Variants in ETS2 observed in about 807,000 individuals in gnomAD.
ETS2 encodes protein C-ets-2.
Under a neutral mutation model 54.9 loss-of-function variants are expected in ETS2, and 19 were observed. The ratio of observed to expected loss-of-function variants is 0.35; its 90% CI spans 0.24 to 0.51. The LOEUF (loss-of-function observed/expected upper bound fraction) is 0.51, where lower values mean the gene tolerates loss of function less well. ETS2 is among the 20% of genes least tolerant of loss of function. The pLI is 0.97. For synonymous variants in ETS2, 219 were observed against 229.3 expected, an observed-to-expected ratio of 0.95 and a Z score of 0.41; for missense variants, 417 against 593.0, an observed-to-expected ratio of 0.70 and a Z score of 3.08.
In ETS2 at chr21:38,814,821, T is replaced by A. The variant is rs903169133; in HGVS notation, c.345T>A (p.Leu115=). The A allele has an allele frequency of 1.2e-6, 2 of 1,614,068 alleles. No homozygotes were observed. The change falls in exon 5 of 10, where the codon CTT becomes CTA. Residue 115 remains leucine (L), a synonymous_variant. Transcript: ENST00000360938. This position sits in a 1 kb window ranked among gnomAD's most constrained non-coding sequence, Gnocchi z 4.2. ...LWSEQQVCQW[L]LWATNEFSLV... is the part of the protein sequence containing the mutation. ...GTGAGCAACAGGTATGCCAGTGGCT[T>A]CTCTGGGCCACCAATGAGTTCAGTC...
chr21:38,815,101 A>G, intron 5 of ETS2, 120 bp downstream of exon 5: 2 of 921,532 alleles, frequency 2.2e-6, no homozygotes, highest in East Asian at 2.5e-5. Flanking sequence ...GACATAGAGT[A>G]CCTTGCCTCA....
rs2060959554 is a variant in ETS2, at chr21:38,821,871, T to C, written c.1194+167T>C. On this transcript the variant is annotated intron_variant, in intron 9 of 9. Coordinates refer to ENST00000360938, the MANE Select transcript of ETS2 (RefSeq NM_005239.6). This position sits in a 1 kb window ranked among gnomAD's most constrained non-coding sequence, Gnocchi z 4.2. ...GAAAATGGAAGTGGAGTCATTGCTTTGTTGATAAACGTGTACAGTGTTTTC... is the reference window on the plus strand; with the variant it reads ...GAAAATGGAAGTGGAGTCATTGCTTCGTTGATAAACGTGTACAGTGTTTTC... Among the ~76,000 whole-genome samples the C allele has an allele frequency of 6.6e-6, 1 of 152,252 alleles. No individual in the cohort carries two copies. Among genetic ancestry groups the C allele is most frequent in the African/African-American group, 2.4e-5 (1 of 41,460 alleles).
Position 38,814,402 on chromosome 21 carries a change from GC to G in ETS2, c.304+11del. 1 of 1,613,868 alleles carries G rather than the reference GC, an allele frequency of 6.2e-7. No individual in the cohort carries two copies. Among genetic ancestry groups the G allele is most frequent in the Admixed American group, 1.7e-5 (1 of 59,974 alleles). On this transcript the variant is annotated intron_variant, in intron 4 of 9. Transcript: ENST00000360938. This position sits in a 1 kb window ranked among gnomAD's most constrained non-coding sequence, Gnocchi z 4.2. ...CTGGGCATTCCAAAGAGTAAGTACT[GC>G]TTTCCTGAGCCTGCACTGGGTGAGA...
intron 2 of ETS2, among the ~76,000 whole-genome samples, chr21:38,812,378 A>C (rs528032951): frequency 2.5e-4 from 38 of 152,316 alleles, no homozygotes; most frequent in Non-Finnish European, 3.4e-4. Flanking sequence ...TCTCGACACC[A>C]TTGTAAGATT....
rs538754111 is a variant in ETS2 at position 38,822,712 on chromosome 21, G to A, written c.1233G>A (p.Lys411=). 8 of 1,614,128 alleles carry A rather than the reference G, an allele frequency of 5.0e-6. No individual in the cohort carries two copies. The highest frequency in any genetic ancestry group is 1.7e-4 in the Middle Eastern group (1 of 6,060). Residue 411 remains lysine, a synonymous_variant, in exon 10 of 10, where the codon AAG becomes AAA. Transcript: ENST00000360938. The part of the protein sequence containing the change: ...RRWGKRKNKP[K]MNYEKLSRGL... ...GGGGAAAGAGGAAAAATAAGCCCAA[G>A]ATGAACTACGAGAAGCTGAGCCGGG...
In ETS2 at chr21:38,821,554, G is replaced by A. The variant is rs779506442; in HGVS notation, c.1076-32G>A. On this transcript the variant is annotated intron_variant, in intron 8 of 9. Coordinates refer to ENST00000360938, the MANE Select transcript of ETS2 (RefSeq NM_005239.6). This position sits in a 1 kb window ranked among gnomAD's most constrained non-coding sequence, Gnocchi z 4.2. The stretch of plus-strand genomic sequence containing the variant: ...TTGCTGTATTTTACATCTGTGAAAG[G>A]GTATGATCCGTCTCCCTCCCTCTCC... The A allele has an allele frequency of 2.8e-6, 4 of 1,416,712 alleles. No homozygotes were observed. Among genetic ancestry groups the A allele is most frequent in the Non-Finnish European group, 1.0e-6 (1 of 1,000,062 alleles). The allele number at this position is 1,416,712 out of a possible 1,614,324, so 87.8% of individuals were successfully genotyped here.
At position 38,814,818 on chromosome 21, in the gene ETS2, G is replaced by A. The variant is rs1227099494; in HGVS notation, c.342G>A (p.Trp114Ter). Residue 114 changes from tryptophan to a stop codon, truncating the protein, a stop_gained, in exon 5 of 10, where the codon TGG (tryptophan) becomes TGA (stop). Transcript: ENST00000360938. LOFTEE classifies it high-confidence loss of function. This position sits in a 1 kb window ranked among gnomAD's most constrained non-coding sequence, Gnocchi z 4.2. Reference sequence around the variant, plus strand: ...GGAGTGAGCAACAGGTATGCCAGTGGCTTCTCTGGGCCACCAATGAGTTCA... The same window carrying A: ...GGAGTGAGCAACAGGTATGCCAGTGACTTCTCTGGGCCACCAATGAGTTCA... ...WLWSEQQVCQ[W>*]LLWATNEFSL... 1 of 1,614,198 alleles carries A rather than the reference G, an allele frequency of 6.2e-7. No homozygotes were observed.
chr21:38,811,498 G>A (rs2060913735), intron 2 of ETS2, among the ~76,000 whole-genome samples: 1 of 152,152 alleles, frequency 6.6e-6, no homozygotes, highest in African/African-American at 2.4e-5. Context: ...ATTTGTAAAT[G>A]TGTTACACAT....
chr21:38,818,902 G>A (rs1474413944), intron 7 of ETS2, among the ~76,000 whole-genome samples: 2 of 152,232 alleles, frequency 1.3e-5, no homozygotes, highest in East Asian at 3.8e-4. Flanking sequence ...TATTTATGGA[G>A]GCGATGCAGG....
At chr21:38,805,331 A>G, upstream of ETS2, 2 of 1,288,190 alleles carry the variant, frequency 1.6e-6, no homozygotes, top group Non-Finnish European at 2.0e-6. The surrounding 1 kb of genome is among the most constrained non-coding windows in gnomAD (Gnocchi z 5.2). Flanking sequence ...TCCTAAGCCC[A>G]TTCAGAGGTT....
intron 6 of ETS2, 123 bp from the exon 7 acceptor site, chr21:38,818,302 C>A: frequency 7.5e-7 from 1 of 1,328,378 alleles, no homozygotes; most frequent in Non-Finnish European, 1.0e-6. Context: ...AAGCCCGGGT[C>A]TCCACTGAGG....
chr21:38,810,065 C>G lies in ETS2; in HGVS notation c.31C>G (p.Gln11Glu). 6.4e-7 allele frequency: 1 copy of G among 1,564,324 alleles called. No homozygotes were observed. Among genetic ancestry groups the G allele is most frequent in the Non-Finnish European group, 8.6e-7 (1 of 1,162,438 alleles). Residue 11 changes from glutamine to glutamate, a missense_variant, in exon 2 of 10, where the codon CAG becomes GAG. By Grantham distance (29) the Gln-to-Glu change is conservative (BLOSUM62 2). This residue lies in a region of ETS2 where 326 missense variants were observed against 426.1 expected (regional missense o/e 0.76). Coordinates refer to ENST00000360938, the MANE Select transcript of ETS2 (RefSeq NM_005239.6). The part of the protein sequence containing the change: MNDFGIKNMD[Q>E]VAPVANSYRG... ...TGATTTCGGAATCAAGAATATGGAC[C>G]AGGTAGCCCCTGTGGCTAACAGTTA...
chr21:38,810,234 T>G, intron 2 of ETS2, 128 bp downstream of exon 2: 1 of 564,960 alleles, frequency 1.8e-6, no homozygotes, highest in Middle Eastern at 3.5e-4. Context: ...GCCATGTGAC[T>G]ATAGACTATT....
intron 8 of ETS2, among the ~76,000 whole-genome samples, chr21:38,820,476 G>A (rs751182370): frequency 6.6e-6 from 1 of 152,142 alleles, no homozygotes; most frequent in Non-Finnish European, 1.5e-5. Flanking sequence ...TAAAATACAC[G>A]GAAAGAGTGT....
intron 2 of ETS2, among the ~76,000 whole-genome samples, chr21:38,811,679 C>T (rs996960559): frequency 1.3e-5 from 2 of 152,130 alleles, no homozygotes; most frequent in African/African-American, 4.8e-5. Flanking sequence ...AAAGGTATTT[C>T]TTTCATAAAT....
chr21:38,816,315 C>A (rs1278705005), intron 5 of ETS2, among the ~76,000 whole-genome samples: 2 of 151,996 alleles, frequency 1.3e-5, no homozygotes, highest in Admixed American at 6.6e-5. Flanking sequence ...CAGGGAAACT[C>A]ATTTTTAAAG....
At position 38,819,562 on chromosome 21, in the gene ETS2, T is replaced by A. The variant is rs1347273131; in HGVS notation, c.871T>A (p.Ser291Thr). The A allele has an allele frequency of 3.7e-6, 6 of 1,614,138 alleles. 1 individual carries two copies. The Admixed American group carries it at 1.0e-4, about 27-fold the overall frequency. ...NGADSFESSD[S>T]LLQSWNSQSS... is the part of the protein sequence containing the mutation. ...TGCGGACAGCTTCGAGAGCTCAGAC[T>A]CCCTCCTCCAGTCCTGGAACAGCCA... The change falls in exon 8 of 10, where the codon TCC (serine) becomes ACC (threonine). Residue 291 changes from serine (S) to threonine (T), a missense_variant. By Grantham distance (58) the Ser-to-Thr change is moderately conservative. This residue lies in a region of ETS2 where 326 missense variants were observed against 426.1 expected (regional missense o/e 0.76). Transcript: ENST00000360938.
In ETS2 at chr21:38,817,104, G is replaced by A; in HGVS notation, c.589+13G>A. ...AGCAATACATTAGGTCAGTCCGATT[G>A]ATTCTGCCCTTAAGAACTTTGTCTT... On this transcript the variant is annotated intron_variant, in intron 6 of 9. Coordinates refer to ENST00000360938, the MANE Select transcript of ETS2 (RefSeq NM_005239.6). 2 of 1,553,820 alleles carry A rather than the reference G, an allele frequency of 1.3e-6. No homozygotes were observed. The highest frequency in any genetic ancestry group is 8.9e-7 in the Non-Finnish European group (1 of 1,126,100).
chr21:38,821,715 A>G lies in ETS2; in HGVS notation c.1194+11A>G. The G allele has an allele frequency of 6.3e-7, 1 of 1,576,370 alleles. No individual in the cohort carries two copies. Among genetic ancestry groups the G allele is most frequent in the Non-Finnish European group, 8.7e-7 (1 of 1,147,990 alleles). On this transcript the variant is annotated intron_variant, in intron 9 of 9. Transcript: ENST00000360938. The surrounding 1 kb of genome is among the most constrained non-coding windows in gnomAD (Gnocchi z 4.2). The stretch of plus-strand genomic sequence containing the variant: ...GCCGACCCCGATGAGGTATGGCCAG[A>G]GCCCTGGGAAATCTCTGGGCTTGAA...
Sources: allele counts gnomAD v4.1 joint callset (sites outside exome capture counted in the v4.1 genomes callset), GRCh38; gene constraint gnomAD v4.1.1; regional missense constraint gnomAD v4.1.1; non-coding constraint Gnocchi (gnomAD v3.1); transcripts MANE v1.5; gene names NCBI Gene and HGNC (gene_info 2026-07-23, HGNC 2026-07-21).